MEGF11: variants seen among roughly 807,000 people sequenced by gnomAD.
The protein encoded by MEGF11 is multiple epidermal growth factor-like domains protein 11.
Under a neutral mutation model 146.6 loss-of-function variants are expected in MEGF11, and 126 were observed. The observed-to-expected ratio is 0.86, with a 90% CI of 0.74 to 1.00. The LOEUF is 1.00. Ranked by LOEUF, MEGF11 falls within the 50% of genes least tolerant of loss-of-function variation. The pLI is 0.00. For missense variants in MEGF11, 1,509 were observed against 1,521.2 expected, an observed-to-expected ratio of 0.99 and a Z score of 0.13; for synonymous variants, 532 against 583.4, an observed-to-expected ratio of 0.91 and a Z score of 1.27.
chr15:66,009,034 A>G (rs2082616230), intron 5 of MEGF11, among the ~76,000 whole-genome samples: 1 of 152,052 alleles, frequency 6.6e-6, no homozygotes, highest in Non-Finnish European at 1.5e-5. Flanking sequence ...CCAGAACTTC[A>G]TAAAGGCTTT....
At chr15:65,927,786 G>C (rs2141286788) in intron 13 of MEGF11, among the ~76,000 whole-genome samples, 1 of 152,358 alleles carries the variant, frequency 6.6e-6, no homozygotes, top group South Asian at 2.1e-4. Flanking sequence ...AAAGTGAACA[G>C]AGTGAGGTGG....
intron 1 of MEGF11, among the ~76,000 whole-genome samples, chr15:66,223,221 G>A (rs2091776429): frequency 6.6e-6 from 1 of 152,152 alleles, no homozygotes; most frequent in Non-Finnish European, 1.5e-5. Flanking sequence ...AACATGCTAA[G>A]TGAAAGAAAT....
At chr15:65,996,474 C>T (rs2082200366) in intron 5 of MEGF11, among the ~76,000 whole-genome samples, 1 of 127,588 alleles carries the variant, frequency 7.8e-6, no homozygotes, top group East Asian at 2.0e-4. Context: ...CTGTTTATCT[C>T]TAGCACACTT....
chr15:66,128,157 C>A, intron 2 of MEGF11, 149 bp downstream of exon 2: 1 of 486,634 alleles, frequency 2.1e-6, no homozygotes, highest in South Asian at 4.2e-5. Flanking sequence ...ACATCTCTGT[C>A]CTGTCTCTCA....
At chr15:66,237,986 G>A (rs980507272) in intron 1 of MEGF11, among the ~76,000 whole-genome samples, 2 of 152,208 alleles carry the variant, frequency 1.3e-5, no homozygotes, top group East Asian at 1.9e-4. Flanking sequence ...GGATTGATTC[G>A]ATGCAATATC....
chr15:65,954,313 T>C (rs2080502680), intron 10 of MEGF11, among the ~76,000 whole-genome samples: 1 of 152,200 alleles, frequency 6.6e-6, no homozygotes, highest in African/African-American at 2.4e-5. Context: ...GGCGAGTCTC[T>C]GCTGAGTCTG....
At chr15:66,241,868 C>T (rs189740512) in intron 1 of MEGF11, among the ~76,000 whole-genome samples, 32 of 152,276 alleles carry the variant, frequency 2.1e-4, no homozygotes, top group African/African-American at 7.0e-4. Flanking sequence ...TCCCTATCTA[C>T]ACCACCACAC....
intron 5 of MEGF11, among the ~76,000 whole-genome samples, chr15:66,053,715 A>ACTT (rs2084553774): frequency 3.1e-5 from 1 of 32,082 alleles, no homozygotes; most frequent in African/African-American, 1.2e-4. Context: ...CCTGGCACCA[A>ACTT]TTTTTTTTTT....
chr15:66,049,496 G>A (rs1046041318), intron 5 of MEGF11, among the ~76,000 whole-genome samples: 1 of 152,164 alleles, frequency 6.6e-6, no homozygotes, highest in South Asian at 2.1e-4. Flanking sequence ...GCCAAGTGCC[G>A]CAGTGAGGGA....
chr15:66,145,684 G>T (rs1479019336), intron 1 of MEGF11, among the ~76,000 whole-genome samples: 2 of 152,194 alleles, frequency 1.3e-5, no homozygotes, highest in Non-Finnish European at 2.9e-5. Flanking sequence ...CACACACTTT[G>T]CTGGGTCCTT....
Position 65,897,170 on chromosome 15 carries a change from C to G in MEGF11, c.*764G>C, listed in dbSNP as rs1466107822. 6.6e-6 allele frequency: 1 copy of G among 152,202 alleles called. No individual in the cohort carries two copies. Among genetic ancestry groups the G allele is most frequent in the Non-Finnish European group, 1.5e-5 (1 of 68,034 alleles). 9.4% of individuals were successfully genotyped at this position (152,202 alleles called of 1,614,324 possible). A position where few individuals can be genotyped will look rare whatever the true frequency, so the allele number is the denominator to read the frequency against. On this transcript the variant is annotated 3_prime_UTR_variant, in exon 26 of 26. Coordinates refer to ENST00000395614, the MANE Select transcript of MEGF11 (RefSeq NM_001385028.1). ...CTAAGTAGATATGACAAAGCCAGGA[C>G]TAACTTGTAATGTCCTTGAACTTTG...
intron 5 of MEGF11, among the ~76,000 whole-genome samples, chr15:66,029,643 G>C (rs2083450824): frequency 6.6e-6 from 1 of 152,198 alleles, no homozygotes; most frequent in African/African-American, 2.4e-5. Context: ...GAGATGTCAA[G>C]AATTGTTCTA....
At chr15:65,942,429 T>C (rs1025020669) in intron 10 of MEGF11, among the ~76,000 whole-genome samples, 1 of 152,216 alleles carries the variant, frequency 6.6e-6, no homozygotes, top group African/African-American at 2.4e-5. Flanking sequence ...TTCAAGACTT[T>C]AGGGTATAAA....
At chr15:66,192,214 TC>T (rs1415885490) in intron 1 of MEGF11, among the ~76,000 whole-genome samples, 1 of 152,060 alleles carries the variant, frequency 6.6e-6, no homozygotes, top group African/African-American at 2.4e-5. Context: ...ACACCTGTAA[TC>T]TCAGCACTTT....
At position 65,965,071 on chromosome 15, in the gene MEGF11, G is replaced by A. The variant is rs762657774; in HGVS notation, c.949C>T (p.His317Tyr). The A allele has an allele frequency of 3.3e-5, 53 of 1,596,390 alleles. No homozygotes were observed. Among genetic ancestry groups the A allele is most frequent in the South Asian group, 9.1e-5 (8 of 88,246 alleles). ...FGSFGFQCSQ[H>Y]CDCHNGGQCS... The stretch of plus-strand genomic sequence containing the variant: ...TGCCCCCCATTGTGGCAGTCACAGT[G>A]CTGTGAGCACTGGAAGCCGAAGGAC... The change falls in exon 9 of 26, where the codon CAC becomes TAC. Residue 317 changes from histidine (H) to tyrosine (Y), a missense_variant. Physicochemically the swap from His to Tyr is moderately conservative, Grantham distance 83 (BLOSUM62 2). Transcript: ENST00000395614.
chr15:66,007,608 AG>A (rs1471919518), intron 5 of MEGF11, among the ~76,000 whole-genome samples: 1 of 152,148 alleles, frequency 6.6e-6, no homozygotes, highest in Non-Finnish European at 1.5e-5. Context: ...AAATTAGCCA[AG>A]CATGGTGGTA....
intron 1 of MEGF11, among the ~76,000 whole-genome samples, chr15:66,186,812 T>C (rs1453418882): frequency 6.6e-6 from 1 of 152,254 alleles, no homozygotes; most frequent in Admixed American, 6.5e-5. Context: ...ATGATGATCC[T>C]CATTTACAAA....
intron 4 of MEGF11, among the ~76,000 whole-genome samples, chr15:66,116,326 G>C (rs2087727903): frequency 6.6e-6 from 1 of 152,042 alleles, no homozygotes; most frequent in Non-Finnish European, 1.5e-5. Flanking sequence ...ACAAGGGCAG[G>C]GGCTATTTGT....
At chr15:66,080,495 G>A (rs1323621238) in intron 5 of MEGF11, among the ~76,000 whole-genome samples, 2 of 152,140 alleles carry the variant, frequency 1.3e-5, no homozygotes, top group Non-Finnish European at 2.9e-5. Flanking sequence ...CTGTGCTGGT[G>A]GTTCTGGCTT....
Sources: allele counts gnomAD v4.1 joint callset (sites outside exome capture counted in the v4.1 genomes callset), GRCh38; gene constraint gnomAD v4.1.1; transcripts MANE v1.5; gene names NCBI Gene and HGNC (gene_info 2026-07-23, HGNC 2026-07-21).